The following GRIK2 variants were observed in gnomAD, a reference collection of about 807,000 sequenced individuals.
GRIK2 encodes the protein glutamate ionotropic receptor kainate type subunit 2.
A neutral mutation model predicts 100.3 loss-of-function variants in GRIK2; 32 were observed. The observed-to-expected ratio is 0.32, with a 90% confidence interval of 0.24 to 0.43. The LOEUF (loss-of-function observed/expected upper bound fraction) is 0.43. Among genes scored for constraint, GRIK2 ranks in the 20% least tolerant of loss-of-function variants. The pLI, the probability that GRIK2 is intolerant of heterozygous loss-of-function variation, is 1.00. For missense variants in GRIK2, 843 were observed against 1,114.9 expected, an observed-to-expected ratio of 0.76 and a Z score of 3.47; for synonymous variants, 417 against 389.4, an observed-to-expected ratio of 1.07 and a Z score of -0.83.
chr6:102,011,751 A>C (rs1795552513), intron 14 of GRIK2, among the ~76,000 whole-genome samples: 1 of 150,372 alleles, frequency 6.7e-6, no homozygotes, highest in African/African-American at 2.4e-5. Context: ...CGCCCGGCTA[A>C]TTTTTTTTGT....
At chr6:101,899,651 T>C (rs1413451884) in intron 12 of GRIK2, among the ~76,000 whole-genome samples, 1 of 152,110 alleles carries the variant, frequency 6.6e-6, no homozygotes, top group Non-Finnish European at 1.5e-5. Flanking sequence ...TGACTACACC[T>C]GAGATGATAA....
intron 2 of GRIK2, among the ~76,000 whole-genome samples, chr6:101,451,707 G>C (rs1372252994): frequency 1.5e-5 from 2 of 136,256 alleles, no homozygotes; most frequent in East Asian, 4.5e-4. Flanking sequence ...GGGGGGGGGG[G>C]TGCCAAATAC....
At chr6:101,803,588 T>G (rs1780806847) in intron 9 of GRIK2, among the ~76,000 whole-genome samples, 1 of 151,730 alleles carries the variant, frequency 6.6e-6, no homozygotes, top group African/African-American at 2.4e-5. Context: ...TGTCCAAGAC[T>G]GGAGTTGATA....
At chr6:101,503,094 T>C (rs143466677) in intron 2 of GRIK2, among the ~76,000 whole-genome samples, 177 of 152,238 alleles carry the variant, frequency 1.2e-3, no homozygotes, top group Non-Finnish European at 2.0e-3. Context: ...GCATTATTGG[T>C]GCCTGGGAAA....
At chr6:101,879,058 A>G (rs188464358) in intron 11 of GRIK2, among the ~76,000 whole-genome samples, 3 of 152,112 alleles carry the variant, frequency 2.0e-5, no homozygotes, top group Admixed American at 2.0e-4. Flanking sequence ...GTGTGCTTTT[A>G]CTTCTGGGAA....
chr6:101,802,880 C>T (rs1309234535), intron 9 of GRIK2, among the ~76,000 whole-genome samples: 4 of 151,698 alleles, frequency 2.6e-5, no homozygotes, highest in Non-Finnish European at 5.9e-5. Context: ...TATTTGAATT[C>T]ATGTATGCAC....
chr6:101,462,609 ATC>A (rs138218715), intron 2 of GRIK2, among the ~76,000 whole-genome samples: 17,926 of 152,162 alleles, frequency 0.12, 1,162 homozygotes, highest in East Asian at 0.32. Context: ...ACACACACTG[ATC>A]TGCTTTTATC....
intron 14 of GRIK2, among the ~76,000 whole-genome samples, chr6:102,029,530 A>C (rs892770212): frequency 6.6e-6 from 1 of 151,152 alleles, no homozygotes; most frequent in Admixed American, 6.6e-5. Flanking sequence ...TTTACGTTTC[A>C]AGTTCCTATA....
At chr6:101,998,534 G>A (rs1794764228) in intron 14 of GRIK2, among the ~76,000 whole-genome samples, 1 of 151,716 alleles carries the variant, frequency 6.6e-6, no homozygotes, top group South Asian at 2.1e-4. Flanking sequence ...GTCTTATTTA[G>A]GAAATATTTG....
intron 14 of GRIK2, among the ~76,000 whole-genome samples, chr6:101,964,986 A>G (rs1353892342): frequency 2.7e-4 from 41 of 152,098 alleles, no homozygotes; most frequent in Admixed American, 2.7e-3. Context: ...TAAAGGAAGT[A>G]GCCGGAAAAT....
intron 7 of GRIK2, among the ~76,000 whole-genome samples, chr6:101,763,802 A>G (rs565880623): frequency 2.0e-5 from 3 of 152,022 alleles, no homozygotes; most frequent in Non-Finnish European, 4.4e-5. Context: ...AATTCTTAAT[A>G]TTATTTGGAA....
intron 12 of GRIK2, among the ~76,000 whole-genome samples, chr6:101,918,296 T>C (rs2128468105): frequency 6.6e-6 from 1 of 151,776 alleles, no homozygotes; most frequent in African/African-American, 2.4e-5. Context: ...AGTGTTCAAA[T>C]GTGTAAAATA....
At chr6:102,032,142 A>G (rs763705716) in intron 14 of GRIK2, among the ~76,000 whole-genome samples, 1 of 151,280 alleles carries the variant, frequency 6.6e-6, no homozygotes, top group Non-Finnish European at 1.5e-5. Context: ...TAGTTTTACA[A>G]CTTGGAAGAA....
intron 11 of GRIK2, among the ~76,000 whole-genome samples, chr6:101,884,419 T>A (rs1786476917): frequency 6.6e-6 from 1 of 152,158 alleles, no homozygotes; most frequent in African/African-American, 2.4e-5. Context: ...GATGAGATCA[T>A]GTATTATAAA....
intron 14 of GRIK2, among the ~76,000 whole-genome samples, chr6:102,023,536 T>G (rs978677930): frequency 6.6e-6 from 1 of 151,468 alleles, no homozygotes; most frequent in Non-Finnish European, 1.5e-5. Context: ...CCATAAATGG[T>G]TTTATTTTTC....
At chr6:101,784,971 G>C (rs1779331896) in intron 7 of GRIK2, among the ~76,000 whole-genome samples, 1 of 152,038 alleles carries the variant, frequency 6.6e-6, no homozygotes. Flanking sequence ...ATTTGTTATT[G>C]TCTTTTTGTT....
intron 16 of GRIK2, among the ~76,000 whole-genome samples, chr6:102,060,112 A>G (rs958560425): frequency 2.0e-5 from 3 of 150,900 alleles, no homozygotes; most frequent in Non-Finnish European, 4.5e-5. Context: ...GTATTTTTAA[A>G]TCTATGTGGT....
intron 2 of GRIK2, among the ~76,000 whole-genome samples, chr6:101,583,343 G>GA (rs1778193140): frequency 6.6e-6 from 1 of 152,074 alleles, no homozygotes; most frequent in African/African-American, 2.4e-5. Context: ...CAGCTCTTAG[G>GA]GCTTTTGGAG....
intron 12 of GRIK2, among the ~76,000 whole-genome samples, chr6:101,919,030 A>G (rs186909130): frequency 7.4e-4 from 112 of 151,902 alleles, no homozygotes; most frequent in Admixed American, 1.8e-3. Context: ...TAGAAACAGC[A>G]TAAACAAAGG....
Sources: allele counts gnomAD v4.1 joint callset (sites outside exome capture counted in the v4.1 genomes callset), GRCh38; gene constraint gnomAD v4.1.1; transcripts MANE v1.5; gene names NCBI Gene and HGNC (gene_info 2026-07-23, HGNC 2026-07-21).